The following MYO9A variants were observed in gnomAD, a reference collection of about 807,000 sequenced individuals.
MYO9A encodes the protein myosin IXA, also known as unconventional myosin-IXa.
Under a neutral mutation model 293.3 loss-of-function variants are expected in MYO9A, and 103 were observed. The ratio of observed to expected loss-of-function variants is 0.35; its 90% confidence interval spans 0.30 to 0.41. The LOEUF (loss-of-function observed/expected upper bound fraction) is 0.41. Ranked by LOEUF, MYO9A falls within the 10% of genes least tolerant of loss-of-function variation. MYO9A has a pLI of 1.00. For missense variants in MYO9A, 2,685 were observed against 3,033.0 expected, an observed-to-expected ratio of 0.89 and a Z score of 2.69; for synonymous variants, 1,001 against 1,035.7, an observed-to-expected ratio of 0.97 and a Z score of 0.64.
At position 71,851,333 on chromosome 15, in the gene MYO9A, G is replaced by A. The variant is rs555044190; in HGVS notation, c.6501C>T (p.Ile2167=). The change falls in exon 37 of 42, where the codon ATC becomes ATT. Residue 2167 remains isoleucine, a synonymous_variant. Coordinates refer to ENST00000356056, the MANE Select transcript of MYO9A (RefSeq NM_006901.4). ...AMGLQERKET[I]RGVYSVIDQL... is the part of the protein sequence containing the mutation. ...GATCAATCACAGAGTATACACCACG[G>A]ATTGTCTCCTTCCTCTCCTGAAGGC... The A allele has an allele frequency of 6.2e-7, 1 of 1,613,766 alleles. No individual in the cohort carries two copies. The highest frequency in any genetic ancestry group is 8.5e-7 in the Non-Finnish European group (1 of 1,179,816).
chr15:71,880,828 G>T (rs559305506), intron 28 of MYO9A, among the ~76,000 whole-genome samples: 4 of 152,204 alleles, frequency 2.6e-5, no homozygotes, highest in Non-Finnish European at 4.4e-5. Context: ...TTAAAAACCT[G>T]GATAGAAATG....
At chr15:71,978,354 T>G (rs910268652) in intron 11 of MYO9A, 62 bp from the exon 12 acceptor site, 1 of 1,413,506 alleles carries the variant, frequency 7.1e-7, no homozygotes, top group African/African-American at 1.5e-5. Flanking sequence ...GTATATAATA[T>G]AGATTGAAAA....
chr15:72,019,087 C>G lies in MYO9A; in HGVS notation c.1107G>C (p.Lys369Asn). Residue 369 changes from lysine (K) to asparagine (N), a missense_variant, in exon 6 of 42, where the codon AAG becomes AAC. This residue lies in a region of MYO9A where 289 missense variants were observed against 456.8 expected (regional missense o/e 0.63). Transcript: ENST00000356056. Reference sequence around the variant, plus strand: ...CATCCCAGCTCTGTCTGAGGGGTTTCTTTGTTATCTGAAAGTAAGGCAGAT... The same window carrying G: ...CATCCCAGCTCTGTCTGAGGGGTTTGTTTGTTATCTGAAAGTAAGGCAGAT... ...EEYHYLNQIT[K>N]KPLRQSWDDY... The G allele has an allele frequency of 6.2e-7, 1 of 1,613,526 alleles. No homozygotes were observed. The highest frequency in any genetic ancestry group is 8.5e-7 in the Non-Finnish European group (1 of 1,179,638).
At chr15:72,004,160 A>G (rs1011314958) in intron 8 of MYO9A, among the ~76,000 whole-genome samples, 4 of 152,230 alleles carry the variant, frequency 2.6e-5, no homozygotes, top group African/African-American at 9.6e-5. Context: ...TATTACTTTT[A>G]GAATATTCAA....
At chr15:72,012,645 C>G (rs1032424246) in intron 6 of MYO9A, among the ~76,000 whole-genome samples, 19 of 152,066 alleles carry the variant, frequency 1.2e-4, no homozygotes, top group African/African-American at 4.6e-4. Flanking sequence ...TAGTAAGTAA[C>G]CTTTTGTAAA....
At chr15:72,108,435 A>T (rs1223425473) in intron 1 of MYO9A, among the ~76,000 whole-genome samples, 1 of 152,210 alleles carries the variant, frequency 6.6e-6, no homozygotes, top group East Asian at 1.9e-4. Context: ...AAACAATCAG[A>T]AAACTCTAGA....
intron 15 of MYO9A, among the ~76,000 whole-genome samples, chr15:71,939,796 T>C (rs2058729298): frequency 6.6e-6 from 1 of 152,216 alleles, no homozygotes. Context: ...ACATGTAATA[T>C]ATGTAAGATA....
chr15:72,056,646 C>T (rs931619123), intron 1 of MYO9A, among the ~76,000 whole-genome samples: 1 of 152,164 alleles, frequency 6.6e-6, no homozygotes, highest in Non-Finnish European at 1.5e-5. Context: ...ACTGCTCAGG[C>T]GATGGGTGCA....
At position 71,851,250 on chromosome 15, in the gene MYO9A, T is replaced by C. The variant is rs1243554753; in HGVS notation, c.6581+3A>G. The C allele has an allele frequency of 6.2e-7, 1 of 1,609,362 alleles. No homozygotes were observed. Among genetic ancestry groups the C allele is most frequent in the Non-Finnish European group, 8.5e-7 (1 of 1,176,700 alleles). ...AAATCGTTCCCTTGCTTCTTAAAGT[T>C]ACCTGACTAGATGAAAGATGAGGCG... On this transcript the variant is annotated splice_donor_region_variant and intron_variant, in intron 37 of 41. Transcript: ENST00000356056.
chr15:71,868,254 C>T (rs1020927190), intron 32 of MYO9A, among the ~76,000 whole-genome samples: 2 of 152,160 alleles, frequency 1.3e-5, no homozygotes, highest in East Asian at 3.9e-4. Context: ...TGTTCTCAGC[C>T]TCTAGAGGCC....
chr15:72,034,308 T>A (rs1293157559), intron 2 of MYO9A, among the ~76,000 whole-genome samples: 2 of 152,236 alleles, frequency 1.3e-5, no homozygotes, highest in African/African-American at 4.8e-5. Flanking sequence ...GGTTCAGATG[T>A]AAGCCAAAGT....
At chr15:71,840,094 G>A (rs1479038907) in intron 39 of MYO9A, among the ~76,000 whole-genome samples, 2 of 152,160 alleles carry the variant, frequency 1.3e-5, no homozygotes, top group Non-Finnish European at 2.9e-5. Flanking sequence ...AATCGCATCT[G>A]GAGAAGTAAT....
At chr15:72,020,027 C>T (rs899395887) in intron 5 of MYO9A, among the ~76,000 whole-genome samples, 41 of 152,156 alleles carry the variant, frequency 2.7e-4, no homozygotes, top group African/African-American at 9.2e-4. Context: ...ACTGGGATTA[C>T]AGGTGTGAGC....
At position 71,916,361 on chromosome 15, in the gene MYO9A, A is replaced by G; in HGVS notation, c.2685+9T>C. 2 of 1,604,144 alleles carry G rather than the reference A, an allele frequency of 1.2e-6. No homozygotes were observed. Among genetic ancestry groups the G allele is most frequent in the South Asian group, 2.3e-5 (2 of 88,394 alleles). On this transcript the variant is annotated intron_variant, in intron 19 of 41. Coordinates refer to ENST00000356056, the MANE Select transcript of MYO9A (RefSeq NM_006901.4). Reference sequence around the variant, plus strand: ...ATTCTTATTTGTTTTAAGCGAAACAAGAAATAACCTGAAACTGGGCACTGA... The same window carrying G: ...ATTCTTATTTGTTTTAAGCGAAACAGGAAATAACCTGAAACTGGGCACTGA...
Position 71,880,488 on chromosome 15 carries a change from T to A in MYO9A, c.5469A>T (p.Lys1823Asn). The A allele has an allele frequency of 6.2e-7, 1 of 1,614,232 alleles. No individual in the cohort carries two copies. Among genetic ancestry groups the A allele is most frequent in the South Asian group, 1.1e-5 (1 of 91,092 alleles). Residue 1823 changes from lysine (K) to asparagine (N), a missense_variant, in exon 29 of 42, where the codon AAA (lysine) becomes AAT (asparagine). Around this residue, in one of 10 missense-constraint regions of MYO9A, gnomAD observed 1,434 missense variants for 1,497.7 expected, o/e 0.96. Coordinates refer to ENST00000356056, the MANE Select transcript of MYO9A (RefSeq NM_006901.4). ...ELPGSCRKEF[K>N]ENKEPSPKAK... ...CCTTTGGAGAAGGTTCTTTGTTCTC[T>A]TTGAATTCCTTCCGGCAACTGCCGG...
At chr15:72,101,700 G>A (rs2080335747) in intron 1 of MYO9A, among the ~76,000 whole-genome samples, 1 of 122,468 alleles carries the variant, frequency 8.2e-6, no homozygotes, top group Non-Finnish European at 1.7e-5. Flanking sequence ...GGGGGGGTCA[G>A]CCCCCCGCCC....
At chr15:72,109,458 C>G (rs956901997) in intron 1 of MYO9A, among the ~76,000 whole-genome samples, 1 of 151,750 alleles carries the variant, frequency 6.6e-6, no homozygotes, top group Non-Finnish European at 1.5e-5. Context: ...TGGCATAACG[C>G]TATCTTTTGA....
Position 71,868,137 on chromosome 15 carries a change from T to C in MYO9A, c.5980-5526A>G, listed in dbSNP as rs1194808060. ...CAAGGGCGTGTGCCCTTCTGGATGC[T>C]CTGTGGAACAATCTGCTTCCAATCT... On this transcript the variant is annotated intron_variant, in intron 32 of 41. Coordinates refer to ENST00000356056, the MANE Select transcript of MYO9A (RefSeq NM_006901.4). Among the ~76,000 whole-genome samples, 4 of 152,180 alleles carry C rather than the reference T, an allele frequency of 2.6e-5. No homozygotes were observed. The East Asian group carries it at 7.7e-4, about 29-fold the overall frequency.
chr15:71,903,934 A>G lies in MYO9A; in HGVS notation c.2872T>C (p.Phe958Leu). ...RQSGYSSKYS[F>L]QDFVSHFHVL... is the part of the protein sequence containing the mutation. ...TATCACTATAAAAACAGAACCTGGAAAGAATATTTGGAGCTGTATCCTGAT... is the reference window on the plus strand; with the variant it reads ...TATCACTATAAAAACAGAACCTGGAGAGAATATTTGGAGCTGTATCCTGAT... The change falls in exon 21 of 42, where the codon TTC becomes CTC. Residue 958 changes from phenylalanine to leucine, a missense_variant. Transcript: ENST00000356056. The G allele has an allele frequency of 6.2e-7, 1 of 1,613,324 alleles. No individual in the cohort carries two copies. The highest frequency in any genetic ancestry group is 8.5e-7 in the Non-Finnish European group (1 of 1,179,524).
Sources: gnomAD v4.1 joint callset for allele counts (sites outside exome capture counted in the v4.1 genomes callset) on GRCh38, gnomAD v4.1.1 for gene constraint, gnomAD v4.1.1 regional missense constraint, MANE v1.5 for transcripts, NCBI Gene and HGNC (gene_info 2026-07-23, HGNC 2026-07-21) for gene names.